CD109: variants seen among roughly 807,000 people sequenced by gnomAD.
CD109 encodes the protein CD109 molecule.
CD109 carries 149 observed loss-of-function variants against 165.8 expected under a neutral mutation model. That is an observed-to-expected ratio of 0.90 (90% CI 0.79 to 1.03). The LOEUF is 1.03. CD109 is among the 50% of genes least tolerant of loss of function. CD109 has a pLI of 0.00. For missense variants in CD109, 1,712 were observed against 1,677.8 expected, an observed-to-expected ratio of 1.02 and a Z score of -0.36; for synonymous variants, 585 against 592.1, an observed-to-expected ratio of 0.99 and a Z score of 0.18.
intron 26 of CD109, among the ~76,000 whole-genome samples, chr6:73,808,827 T>C (rs1159247731): frequency 1.3e-5 from 2 of 151,704 alleles, no homozygotes; most frequent in Admixed American, 1.3e-4. Context: ...TGTGTGTGTG[T>C]GTGTGTGTGT....
chr6:73,760,111 A>AT (rs1449452849), intron 7 of CD109, among the ~76,000 whole-genome samples: 3 of 152,116 alleles, frequency 2.0e-5, no homozygotes, highest in Admixed American at 1.3e-4. Flanking sequence ...AAATGTACTT[A>AT]AAAAAGGCTT....
chr6:73,806,717 T>G, intron 24 of CD109, 127 bp from the exon 25 acceptor site: 1 of 642,442 alleles, frequency 1.6e-6, no homozygotes, highest in South Asian at 2.2e-5. Flanking sequence ...CCTTGTTCCA[T>G]CTTCAGTGAT....
chr6:73,759,964 C>T (rs1337160228), intron 7 of CD109, among the ~76,000 whole-genome samples: 1 of 151,748 alleles, frequency 6.6e-6, no homozygotes, highest in Non-Finnish European at 1.5e-5. Flanking sequence ...TGAGTTGATC[C>T]AGATGAGGGG....
chr6:73,781,056 G>A (rs993318128), intron 16 of CD109, among the ~76,000 whole-genome samples: 1 of 150,572 alleles, frequency 6.6e-6, no homozygotes. Flanking sequence ...GTGCGTGTGT[G>A]TGTTTGAGTG....
At chr6:73,794,060 G>A (rs1174425235) in intron 23 of CD109, among the ~76,000 whole-genome samples, 2 of 152,106 alleles carry the variant, frequency 1.3e-5, no homozygotes, top group African/African-American at 4.8e-5. Context: ...TTTCTTCCAG[G>A]TTCCATTATT....
intron 2 of CD109, among the ~76,000 whole-genome samples, chr6:73,715,565 C>CA (rs61331986): frequency 0.058 from 4,123 of 70,792 alleles, 120 homozygotes; most frequent in African/African-American, 0.092. Flanking sequence ...ACCCTGTCTC[C>CA]AAAAAAAAAA....
chr6:73,820,441 A>T lies in CD109; in HGVS notation c.4060-20A>T. 2 of 1,407,058 alleles carry T rather than the reference A, an allele frequency of 1.4e-6. No individual in the cohort carries two copies. Among genetic ancestry groups the T allele is most frequent in the African/African-American group, 1.4e-5 (1 of 70,180 alleles). The allele number at this position is 1,407,058 out of a possible 1,614,324, so 87.2% of individuals were successfully genotyped here. ...ACACACAGTGTGCCAACCCCTTAAG[A>T]CTCTTTTGTATTTCTCAAGGTAAAT... On this transcript the variant is annotated intron_variant, in intron 31 of 32. Transcript: ENST00000287097.
At chr6:73,819,871 TTGAG>T (rs1342666176) in intron 31 of CD109, among the ~76,000 whole-genome samples, 1 of 152,244 alleles carries the variant, frequency 6.6e-6, no homozygotes, top group Non-Finnish European at 1.5e-5. Context: ...CCAGTACTCT[TTGAG>T]TGGTCAGTTT....
chr6:73,687,591 G>A, the CD109 span, among the ~76,000 whole-genome samples: 1 of 151,886 alleles, frequency 6.6e-6, no homozygotes, highest in Non-Finnish European at 1.5e-5. Flanking sequence ...CTAACTGTCT[G>A]TGGTAGATTG....
chr6:73,697,609 T>C, intron 2 of CD109, 37 bp downstream of exon 2: 1 of 1,573,094 alleles, frequency 6.4e-7, no homozygotes, highest in Non-Finnish European at 8.7e-7. Context: ...CCTTCTGCAG[T>C]AATAACTGGA....
intron 8 of CD109, 32 bp downstream of exon 8, chr6:73,762,512 T>C (rs914495682): frequency 6.7e-6 from 9 of 1,344,216 alleles, no homozygotes; most frequent in Middle Eastern, 3.6e-4. Flanking sequence ...TAACTTGTGA[T>C]GGGTAAAATA....
intron 5 of CD109, among the ~76,000 whole-genome samples, chr6:73,737,933 G>C (rs1043865586): frequency 2.7e-5 from 4 of 150,768 alleles, no homozygotes; most frequent in African/African-American, 9.9e-5. Context: ...CACTTTTTTT[G>C]GTCCATCCAT....
intron 8 of CD109, 54 bp from the exon 9 acceptor site, chr6:73,762,687 C>T: frequency 6.9e-7 from 1 of 1,441,936 alleles, no homozygotes; most frequent in Non-Finnish European, 9.5e-7. Context: ...AGTTTTATTT[C>T]TAAAATTTGA....
intron 5 of CD109, among the ~76,000 whole-genome samples, chr6:73,750,792 A>G (rs1056591087): frequency 1.3e-5 from 2 of 152,184 alleles, no homozygotes; most frequent in South Asian, 4.1e-4. Flanking sequence ...AACATTTATT[A>G]CTTGACAGGT....
intron 15 of CD109, among the ~76,000 whole-genome samples, chr6:73,778,423 C>T (rs1050400003): frequency 2.6e-5 from 4 of 152,224 alleles, no homozygotes; most frequent in African/African-American, 7.2e-5. Context: ...ATTGCCCTGG[C>T]CAGAACTTCT....
At chr6:73,794,918 A>G (rs1433669870) in intron 23 of CD109, among the ~76,000 whole-genome samples, 1 of 151,066 alleles carries the variant, frequency 6.6e-6, no homozygotes, top group Non-Finnish European at 1.5e-5. Flanking sequence ...TACAAGAATA[A>G]CCTTTGTCAA....
At chr6:73,755,559 T>A (rs1407819675) in intron 5 of CD109, among the ~76,000 whole-genome samples, 1 of 152,210 alleles carries the variant, frequency 6.6e-6, no homozygotes, top group Non-Finnish European at 1.5e-5. Context: ...TTTGATTTGA[T>A]AAATTTGGGA....
In CD109 at chr6:73,729,188, G is replaced by T. The variant is rs961888178; in HGVS notation, c.277-1156G>T. Reference sequence around the variant, plus strand: ...GTGAGTGATCCAAGCGAGAAAGAGAGACAACAGGGAAGAAGGTATTCTTTT... The same window carrying T: ...GTGAGTGATCCAAGCGAGAAAGAGATACAACAGGGAAGAAGGTATTCTTTT... On this transcript the variant is annotated intron_variant, in intron 3 of 32. Transcript: ENST00000287097. Among the ~76,000 whole-genome samples the T allele has an allele frequency of 2.6e-5, 4 of 152,210 alleles. 1 individual carries two copies. The South Asian group carries it at 8.3e-4, about 32-fold the overall frequency.
Position 73,815,005 on chromosome 6 carries a change from G to T in CD109, c.3793G>T (p.Ala1265Ser), listed in dbSNP as rs1429957486. 1 of 1,564,140 alleles carries T rather than the reference G, an allele frequency of 6.4e-7. No homozygotes were observed. The highest frequency in any genetic ancestry group is 8.6e-7 in the Non-Finnish European group (1 of 1,164,610). The change falls in exon 30 of 33, where the codon GCT becomes TCT. Residue 1265 changes from alanine (A) to serine (S), a missense_variant. Ala to Ser is a moderately conservative substitution (Grantham distance 99). Transcript: ENST00000287097. ...GCTCAATGTTGTATATAATGTGAAG[G>T]CTTCTGGGTCTTCTAGAAGACGAAG... Reference protein sequence around the residue: ...CQLNVVYNVKASGSSRRRRSI... With the variant: ...CQLNVVYNVKSSGSSRRRRSI...
Sources: allele counts gnomAD v4.1 joint callset (sites outside exome capture counted in the v4.1 genomes callset), GRCh38; gene constraint gnomAD v4.1.1; transcripts MANE v1.5; gene names NCBI Gene and HGNC (gene_info 2026-07-23, HGNC 2026-07-21).